The following FRMD4A variants were observed in gnomAD, a reference collection of about 807,000 sequenced individuals.
FRMD4A encodes the protein FERM domain-containing protein 4A.
FRMD4A carries 29 observed loss-of-function variants against 129.1 expected under a neutral mutation model. The ratio of observed to expected loss-of-function variants is 0.22; its 90% CI spans 0.17 to 0.31. FRMD4A has a LOEUF of 0.31. FRMD4A is among the 10% of genes least tolerant of loss of function. The probability of loss-of-function intolerance (pLI) is 1.00; values close to 1 mark genes in which losing one functional copy is unlikely to be tolerated. For missense variants in FRMD4A, 1,272 were observed against 1,375.8 expected (o/e 0.92, Z 1.19); for synonymous variants, 634 against 571.6 (o/e 1.11, Z -1.56).
chr10:13,713,607 G>T (rs2088263718), intron 12 of FRMD4A, among the ~76,000 whole-genome samples: 1 of 151,680 alleles, frequency 6.6e-6, no homozygotes, highest in African/African-American at 2.4e-5. Context: ...CAGGGCAAAA[G>T]AAAGGAGTCA....
chr10:13,936,493 T>C (rs1177846432), intron 2 of FRMD4A, among the ~76,000 whole-genome samples: 1 of 152,074 alleles, frequency 6.6e-6, no homozygotes, highest in African/African-American at 2.4e-5. Flanking sequence ...GGTGATTAGG[T>C]CATGAGGGTG....
chr10:14,099,948 G>A (rs372872795), intron 2 of FRMD4A, among the ~76,000 whole-genome samples: 2 of 152,172 alleles, frequency 1.3e-5, no homozygotes, highest in East Asian at 3.8e-4. Context: ...TTCTGAGCGA[G>A]TACCTTCTCC....
intron 2 of FRMD4A, among the ~76,000 whole-genome samples, chr10:13,870,358 C>T (rs12268637): frequency 0.024 from 3,585 of 152,336 alleles, 155 homozygotes; most frequent in African/African-American, 0.081. Flanking sequence ...TCCTTCCCAT[C>T]GCTCCTCTCA....
Position 13,656,976 on chromosome 10 carries a change from G to C in FRMD4A, c.2613C>G (p.Asn871Lys). The C allele has an allele frequency of 6.5e-7, 1 of 1,549,352 alleles. No individual in the cohort carries two copies. Among genetic ancestry groups the C allele is most frequent in the Non-Finnish European group, 8.7e-7 (1 of 1,155,124 alleles). ...YSVKAQFKTS[N>K]SYTAGGLFKE... Reference sequence around the variant, plus strand: ...TGAACAGGCCGCCCGCCGTGTAGGAGTTGGACGTCTTGAACTGAGCCTTGA... The same window carrying C: ...TGAACAGGCCGCCCGCCGTGTAGGACTTGGACGTCTTGAACTGAGCCTTGA... Residue 871 changes from asparagine (N) to lysine (K), a missense_variant, in exon 22 of 25, where the codon AAC becomes AAG. Asn to Lys is a moderately conservative substitution (Grantham distance 94, BLOSUM62 0). Coordinates refer to ENST00000357447, the MANE Select transcript of FRMD4A (RefSeq NM_018027.5).
intron 2 of FRMD4A, among the ~76,000 whole-genome samples, chr10:13,980,630 G>C (rs1355613314): frequency 6.6e-6 from 1 of 152,158 alleles, no homozygotes; most frequent in Non-Finnish European, 1.5e-5. Flanking sequence ...TGAGGCTGGA[G>C]GATTGCTTGA....
chr10:14,061,111 CA>C (rs1185349868), intron 2 of FRMD4A, among the ~76,000 whole-genome samples: 1 of 152,050 alleles, frequency 6.6e-6, no homozygotes, highest in East Asian at 1.9e-4. Flanking sequence ...TATAAATGTG[CA>C]ATATTTAAAA....
intron 15 of FRMD4A, 74 bp from the exon 16 acceptor site, chr10:13,675,118 G>C: frequency 1.1e-5 from 15 of 1,383,216 alleles, no homozygotes; most frequent in Non-Finnish European, 1.5e-5. Context: ...AATTTAACTG[G>C]AGCCCATGCT....
intron 3 of FRMD4A, 41 bp downstream of exon 3, chr10:13,858,802 ATCAG>A (rs1564923900): frequency 1.8e-6 from 2 of 1,086,080 alleles, no homozygotes; most frequent in Admixed American, 3.4e-5. Flanking sequence ...CTGAAACCAC[ATCAG>A]TCACCAAAGA....
At chr10:14,250,676 CT>C (rs1564417623) in intron 2 of FRMD4A, among the ~76,000 whole-genome samples, 1 of 152,194 alleles carries the variant, frequency 6.6e-6, no homozygotes, top group African/African-American at 2.4e-5. Flanking sequence ...CAGTCCTTGG[CT>C]TCAGGGCTGT....
At chr10:14,153,682 T>C (rs1840453806) in intron 2 of FRMD4A, among the ~76,000 whole-genome samples, 1 of 152,110 alleles carries the variant, frequency 6.6e-6, no homozygotes, top group Non-Finnish European at 1.5e-5. Flanking sequence ...ATGCGCCTGC[T>C]CCCCTCCCGT....
At chr10:14,187,100 CAGAGCAAGGCTCTG>C (rs1842169285) in intron 2 of FRMD4A, among the ~76,000 whole-genome samples, 2 of 127,050 alleles carry the variant, frequency 1.6e-5, no homozygotes, top group Non-Finnish European at 3.1e-5. Flanking sequence ...GTTTGGGTGA[CAGAGCAAGGCTCTG>C]TCTCAAAGGA....
chr10:14,298,203 T>C (rs1846070720), intron 2 of FRMD4A, among the ~76,000 whole-genome samples: 1 of 152,206 alleles, frequency 6.6e-6, no homozygotes, highest in Non-Finnish European at 1.5e-5. Flanking sequence ...ATTGCCATCC[T>C]CTGCACCATA....
chr10:14,040,451 A>G (rs555798014), intron 2 of FRMD4A, among the ~76,000 whole-genome samples: 4 of 152,326 alleles, frequency 2.6e-5, no homozygotes, highest in South Asian at 2.1e-4. Flanking sequence ...GAGAGACTCA[A>G]TAATGGTACT....
chr10:13,887,275 C>T (rs2094634490), intron 2 of FRMD4A, among the ~76,000 whole-genome samples: 3 of 152,228 alleles, frequency 2.0e-5, no homozygotes, highest in Admixed American at 2.0e-4. Flanking sequence ...CCATAGTCCT[C>T]TATTACTTTC....
chr10:13,650,468 A>G (rs1437320701), intron 24 of FRMD4A, among the ~76,000 whole-genome samples: 2 of 152,230 alleles, frequency 1.3e-5, no homozygotes, highest in Non-Finnish European at 1.5e-5. Context: ...CAGTGCCTAC[A>G]TTCCCACCGC....
chr10:14,119,812 C>T (rs1564310500), intron 2 of FRMD4A, among the ~76,000 whole-genome samples: 2 of 152,110 alleles, frequency 1.3e-5, no homozygotes, highest in Admixed American at 1.3e-4. Context: ...AAGCCCATGG[C>T]CAAGCAAGGC....
chr10:13,651,981 A>G lies in FRMD4A; in HGVS notation c.3051-7T>C. 6.5e-7 allele frequency: 1 copy of G among 1,536,290 alleles called. No homozygotes were observed. The highest frequency in any genetic ancestry group is 9.0e-7 in the Non-Finnish European group (1 of 1,109,066). On this transcript the variant is annotated splice_polypyrimidine_tract_variant and splice_region_variant and intron_variant, in intron 23 of 24. Coordinates refer to ENST00000357447, the MANE Select transcript of FRMD4A (RefSeq NM_018027.5). Reference sequence around the variant, plus strand: ...TGAGTTTTCTGTTGCTTCTCTGAACAAAGGAAAGCAGGAGGAGGAAGAGAA... The same window carrying G: ...TGAGTTTTCTGTTGCTTCTCTGAACGAAGGAAAGCAGGAGGAGGAAGAGAA...
rs755822422 is a variant in FRMD4A at position 13,666,085 on chromosome 10, G to A, written c.1603+12C>T. The A allele has an allele frequency of 1.2e-5, 19 of 1,552,030 alleles. No homozygotes were observed. Among genetic ancestry groups the A allele is most frequent in the African/African-American group, 9.5e-5 (7 of 73,594 alleles). On this transcript the variant is annotated intron_variant, in intron 18 of 24. Transcript: ENST00000357447. The stretch of plus-strand genomic sequence containing the variant: ...GTGGGAGTGGGGTGGGGGCAGCCCG[G>A]TTGGCACTGACCGTCTATGATCAGC...
At chr10:14,063,186 T>TC (rs894913166) in intron 2 of FRMD4A, among the ~76,000 whole-genome samples, 11 of 151,590 alleles carry the variant, frequency 7.3e-5, no homozygotes, top group African/African-American at 2.7e-4. Flanking sequence ...TGCTTTTTTT[T>TC]TTCTTTTTAA....
Sources: allele counts gnomAD v4.1 joint callset (sites outside exome capture counted in the v4.1 genomes callset), GRCh38; gene constraint gnomAD v4.1.1; transcripts MANE v1.5; gene names NCBI Gene and HGNC (gene_info 2026-07-23, HGNC 2026-07-21).